Variants in PCSK2 observed in about 807,000 individuals in gnomAD.
PCSK2 encodes proprotein convertase subtilisin/kexin type 2.
A neutral mutation model predicts 69.7 loss-of-function variants in PCSK2; 14 were observed. The ratio of observed to expected loss-of-function variants is 0.20; its 90% CI spans 0.13 to 0.31. The LOEUF (loss-of-function observed/expected upper bound fraction) is 0.31. Among genes scored for constraint, PCSK2 ranks in the 10% least tolerant of loss-of-function variants. PCSK2 has a pLI of 1.00. For missense variants in PCSK2, 544 were observed against 842.5 expected, an observed-to-expected ratio of 0.65 and a Z score of 4.39; for synonymous variants, 307 against 320.7, an observed-to-expected ratio of 0.96 and a Z score of 0.46.
intron 11 of PCSK2, among the ~76,000 whole-genome samples, chr20:17,480,425 ATGATCC>A (rs949179701): frequency 4.0e-5 from 6 of 151,840 alleles, no homozygotes; most frequent in African/African-American, 9.7e-5. Context: ...TCCTGACCTC[ATGATCC>A]GCCCGCCTCG....
At chr20:17,289,930 T>C (rs1056077397) in intron 2 of PCSK2, among the ~76,000 whole-genome samples, 3 of 152,240 alleles carry the variant, frequency 2.0e-5, no homozygotes, top group Non-Finnish European at 4.4e-5. Context: ...CTCTTTAATG[T>C]ACATCTGATT....
intron 11 of PCSK2, among the ~76,000 whole-genome samples, chr20:17,469,288 C>A (rs1346440057): frequency 6.6e-6 from 1 of 152,194 alleles, no homozygotes; most frequent in Admixed American, 6.5e-5. Flanking sequence ...ATGCTATGTG[C>A]TTTCATACAC....
chr20:17,294,537 T>A (rs1373963595), intron 2 of PCSK2, among the ~76,000 whole-genome samples: 1 of 152,212 alleles, frequency 6.6e-6, no homozygotes, highest in Non-Finnish European at 1.5e-5. Context: ...TTAGACAGTT[T>A]CATACTGAAT....
At chr20:17,480,655 G>T (rs2033383608) in intron 11 of PCSK2, among the ~76,000 whole-genome samples, 2 of 152,310 alleles carry the variant, frequency 1.3e-5, no homozygotes, top group East Asian at 1.9e-4. Context: ...TTTGAGAAAT[G>T]ATCCCAGGTA....
intron 1 of PCSK2, among the ~76,000 whole-genome samples, chr20:17,249,840 G>C (rs193029982): frequency 9.9e-5 from 15 of 152,196 alleles, no homozygotes; most frequent in East Asian, 3.9e-4. Flanking sequence ...CAGGGCTGGG[G>C]GGGGAATGGA....
At chr20:17,471,521 G>A (rs972138545) in intron 11 of PCSK2, among the ~76,000 whole-genome samples, 2 of 152,206 alleles carry the variant, frequency 1.3e-5, no homozygotes, top group African/African-American at 4.8e-5. Flanking sequence ...TTAAATGAAT[G>A]AGGGAATGAA....
chr20:17,440,822 A>G (rs2032578957), intron 8 of PCSK2, among the ~76,000 whole-genome samples: 1 of 150,880 alleles, frequency 6.6e-6, no homozygotes, highest in South Asian at 2.1e-4. Flanking sequence ...AGTTCATGCC[A>G]TTGCACTCCA....
intron 11 of PCSK2, among the ~76,000 whole-genome samples, chr20:17,473,359 G>C (rs2033238873): frequency 6.6e-6 from 1 of 152,082 alleles, no homozygotes; most frequent in South Asian, 2.1e-4. Flanking sequence ...GCAAAGTGCT[G>C]GGATTACAGG....
At chr20:17,277,961 A>G (rs368770193) in intron 2 of PCSK2, among the ~76,000 whole-genome samples, 8 of 152,120 alleles carry the variant, frequency 5.3e-5, no homozygotes, top group African/African-American at 1.9e-4. Context: ...CAAAAAACAC[A>G]TGAAAAAATG....
At chr20:17,343,836 G>A (rs1347193124) in intron 2 of PCSK2, among the ~76,000 whole-genome samples, 1 of 152,138 alleles carries the variant, frequency 6.6e-6, no homozygotes, top group Non-Finnish European at 1.5e-5. Context: ...CCAGAAGCTG[G>A]AAAAGGCAAA....
chr20:17,236,546 A>G (rs1986345366), intron 1 of PCSK2, among the ~76,000 whole-genome samples: 1 of 152,228 alleles, frequency 6.6e-6, no homozygotes, highest in Admixed American at 6.5e-5. Flanking sequence ...TAGGTATATC[A>G]TTATTTTTGC....
intron 5 of PCSK2, among the ~76,000 whole-genome samples, chr20:17,394,054 T>C (rs1036122636): frequency 3.9e-5 from 6 of 152,164 alleles, no homozygotes; most frequent in Non-Finnish European, 5.9e-5. Context: ...TCCCAACAAC[T>C]TGGGAGGTGG....
intron 1 of PCSK2, among the ~76,000 whole-genome samples, chr20:17,258,581 G>A (rs1987264555): frequency 6.6e-6 from 1 of 152,146 alleles, no homozygotes; most frequent in Admixed American, 6.6e-5. Context: ...TTCAAAAGAA[G>A]GAAGTAGTCT....
chr20:17,229,498 C>G (rs76005474), intron 1 of PCSK2, among the ~76,000 whole-genome samples: 98 of 151,146 alleles, frequency 6.5e-4, no homozygotes, highest in Admixed American at 9.8e-4. Flanking sequence ...TTTCTCTTCT[C>G]TTTGCTGCCC....
intron 2 of PCSK2, among the ~76,000 whole-genome samples, chr20:17,309,651 C>G (rs1600477107): frequency 6.6e-6 from 1 of 152,042 alleles, no homozygotes. Flanking sequence ...AACCCCGTCT[C>G]TACTAAAAAT....
At chr20:17,270,996 G>A (rs930555077) in intron 2 of PCSK2, among the ~76,000 whole-genome samples, 6 of 151,954 alleles carry the variant, frequency 3.9e-5, no homozygotes, top group Admixed American at 6.6e-5. Flanking sequence ...TGAGATTCCA[G>A]GGACTAACCT....
chr20:17,274,679 G>A (rs891980897), intron 2 of PCSK2, among the ~76,000 whole-genome samples: 1 of 152,082 alleles, frequency 6.6e-6, no homozygotes, highest in Non-Finnish European at 1.5e-5. Flanking sequence ...AGTCCCAACT[G>A]CTGTTACCTG....
chr20:17,379,248 C>T (rs1405926243), intron 5 of PCSK2, among the ~76,000 whole-genome samples: 2 of 152,362 alleles, frequency 1.3e-5, no homozygotes, highest in East Asian at 3.9e-4. Context: ...CAGTCATCCA[C>T]ACTGCTTGCC....
intron 2 of PCSK2, among the ~76,000 whole-genome samples, chr20:17,278,844 T>C (rs1243154448): frequency 6.6e-6 from 1 of 151,626 alleles, no homozygotes; most frequent in Non-Finnish European, 1.5e-5. Flanking sequence ...GCAAGACCTC[T>C]GTTGCCTTTT....
Sources: gnomAD v4.1 joint callset for allele counts (sites outside exome capture counted in the v4.1 genomes callset) on GRCh38, gnomAD v4.1.1 for gene constraint, MANE v1.5 for transcripts, NCBI Gene and HGNC (gene_info 2026-07-23, HGNC 2026-07-21) for gene names.